Variants in DAB1 observed in about 807,000 individuals in gnomAD.
DAB1 encodes the protein disabled homolog 1.
DAB1 carries 15 observed loss-of-function variants against 64.6 expected under a neutral mutation model. The observed-to-expected ratio is 0.23, with a 90% CI of 0.16 to 0.36. The LOEUF (loss-of-function observed/expected upper bound fraction) is 0.36. DAB1 is among the 10% of genes least tolerant of loss of function. DAB1 has a pLI of 1.00. For synonymous variants in DAB1, 235 were observed against 251.9 expected (o/e 0.93, Z 0.64); for missense variants, 596 against 706.7 (o/e 0.84, Z 1.78).
At chr1:58,262,231 A>G (rs1661062844) in intron 4 of DAB1, among the ~76,000 whole-genome samples, 1 of 152,196 alleles carries the variant, frequency 6.6e-6, no homozygotes, top group Admixed American at 6.5e-5. Context: ...GTGGCCAGAG[A>G]TGTCAGAGGA....
chr1:57,960,630 G>C (rs1365731525), intron 5 of DAB1, among the ~76,000 whole-genome samples: 1 of 152,174 alleles, frequency 6.6e-6, no homozygotes, highest in Admixed American at 6.5e-5. Context: ...TGGTGACTTA[G>C]GAAATGGAAA....
intron 1 of DAB1, among the ~76,000 whole-genome samples, chr1:57,419,276 T>C (rs1359090889): frequency 2.6e-5 from 4 of 152,224 alleles, no homozygotes; most frequent in African/African-American, 4.8e-5. Flanking sequence ...CGATGGCGCC[T>C]CTGGGCTGTA....
chr1:58,474,102 T>G (rs1178784853), intron 3 of DAB1: 20 of 419,736 alleles, frequency 4.8e-5, no homozygotes, highest in Non-Finnish European at 3.2e-5. Flanking sequence ...AGCATTCCTG[T>G]GGAGTGTGGA....
intron 9 of DAB1, among the ~76,000 whole-genome samples, chr1:57,041,491 G>T (rs893302423): frequency 2.0e-5 from 3 of 152,166 alleles, no homozygotes; most frequent in Admixed American, 2.0e-4. Context: ...CTGTTCCCGG[G>T]ACTGCAACCA....
chr1:58,408,640 G>A (rs1436935124), intron 3 of DAB1, among the ~76,000 whole-genome samples: 5 of 152,114 alleles, frequency 3.3e-5, no homozygotes, highest in African/African-American at 1.2e-4. Context: ...TTGAGAAGTG[G>A]AGACAGGAAA....
At chr1:58,274,549 T>G (rs374996235) in intron 4 of DAB1, among the ~76,000 whole-genome samples, 11 of 141,900 alleles carry the variant, frequency 7.8e-5, no homozygotes, top group South Asian at 2.7e-4. Flanking sequence ...TCGAGCTTCC[T>G]GGCTGCTTTG....
intron 2 of DAB1, among the ~76,000 whole-genome samples, chr1:57,270,485 G>T (rs1025679586): frequency 1.3e-5 from 2 of 152,298 alleles, no homozygotes; most frequent in South Asian, 4.1e-4. Flanking sequence ...AGAGGCATTG[G>T]TCTTTCTTCC....
rs900078940 is a variant in DAB1, at chr1:57,467,657, G to T, written n.626-176491C>A. The stretch of plus-strand genomic sequence containing the variant: ...CTGAATCAACTCAACTAGATCATTT[G>T]CTGTACATCCAGCACAGTGCTAGAT... On this transcript the variant is annotated intron_variant and non_coding_transcript_variant, in intron 7 of 20. Transcript: ENST00000485760. 2.6e-5 allele frequency among the ~76,000 whole-genome samples: 4 copies of T among 152,048 alleles called. No homozygotes were observed. The East Asian group carries it at 5.8e-4, about 22-fold the overall frequency.
At chr1:57,339,778 A>G (rs937353886) in intron 1 of DAB1, among the ~76,000 whole-genome samples, 12 of 152,234 alleles carry the variant, frequency 7.9e-5, no homozygotes, top group Non-Finnish European at 1.6e-4. Flanking sequence ...AAATTAATAT[A>G]TGGTCCCATG....
chr1:57,359,190 A>G lies in DAB1; in HGVS notation c.-137+64740T>C, dbSNP rs190570656. Among the ~76,000 whole-genome samples, 691 of 152,168 alleles carry G rather than the reference A, an allele frequency of 4.5e-3. 6 individuals carry two copies. Among genetic ancestry groups the G allele is most frequent in the African/African-American group, 0.016 (661 of 41,550 alleles). Reference sequence around the variant, plus strand: ...ATGAGAGAACATATTTACAAACTATATATCTGATAAGAGGTTAATATCCAA... The same window carrying G: ...ATGAGAGAACATATTTACAAACTATGTATCTGATAAGAGGTTAATATCCAA... On this transcript the variant is annotated intron_variant, in intron 1 of 14. Coordinates refer to ENST00000371236, the MANE Select transcript of DAB1 (RefSeq NM_001365792.1).
At chr1:58,136,847 G>A (rs1368222365) in intron 5 of DAB1, among the ~76,000 whole-genome samples, 1 of 152,224 alleles carries the variant, frequency 6.6e-6, no homozygotes, top group Admixed American at 6.5e-5. Context: ...GTAACTTGCT[G>A]AATATCACAA....
At chr1:57,841,069 A>G (rs571730172) in intron 1 of DAB1, among the ~76,000 whole-genome samples, 7 of 152,226 alleles carry the variant, frequency 4.6e-5, no homozygotes, top group Non-Finnish European at 1.0e-4. Flanking sequence ...CAATGGGGGT[A>G]CAGGAATTGG....
intron 6 of DAB1, among the ~76,000 whole-genome samples, chr1:57,812,380 A>G (rs10889074): frequency 0.95 from 142,800 of 150,464 alleles, 67,838 homozygotes; most frequent in East Asian, 1. Context: ...AGGCAAGGGA[A>G]ACTCAGAGAC....
chr1:57,337,034 A>G (rs1341645170), intron 1 of DAB1, among the ~76,000 whole-genome samples: 4 of 152,052 alleles, frequency 2.6e-5, no homozygotes, highest in Admixed American at 6.5e-5. Flanking sequence ...TGATTCTTCA[A>G]CTGTTCAGTG....
chr1:57,612,567 A>G (rs1194742847), intron 7 of DAB1, among the ~76,000 whole-genome samples: 1 of 152,124 alleles, frequency 6.6e-6, no homozygotes, highest in Non-Finnish European at 1.5e-5. Flanking sequence ...GCCACGGGTC[A>G]AGGAATACAG....
In DAB1 at chr1:57,669,231, G is replaced by A. The variant is rs570303458; in HGVS notation, n.552-19566C>T. ...AAGAAAGATGAGACAGGAAGAGAGA[G>A]TTTTTTTACTGACGGAATCCAATAC... On this transcript the variant is annotated intron_variant and non_coding_transcript_variant, in intron 6 of 20. Coordinates refer to the DAB1 transcript ENST00000485760. Among the ~76,000 whole-genome samples the A allele has an allele frequency of 2.0e-5, 3 of 152,158 alleles. No homozygotes were observed. The East Asian group carries it at 5.8e-4, about 29-fold the overall frequency.
At chr1:57,103,237 G>A (rs1258204981) in intron 4 of DAB1, among the ~76,000 whole-genome samples, 1 of 152,090 alleles carries the variant, frequency 6.6e-6, no homozygotes, top group African/African-American at 2.4e-5. Flanking sequence ...AAGGGACAAT[G>A]TTACTCTGGT....
At position 58,268,212 on chromosome 1, in the gene DAB1, A is replaced by G. The variant is rs146797466; in HGVS notation, n.309+75140T>C. Among the ~76,000 whole-genome samples the G allele has an allele frequency of 6.5e-3, 990 of 152,298 alleles. 10 individuals carry two copies. Among genetic ancestry groups the G allele is most frequent in the African/African-American group, 0.022 (930 of 41,548 alleles). ...TTCTTTTATAGCCATATTTTAAATC[A>G]TAAGGGATTTAAAGCAGCTTATAAA... On this transcript the variant is annotated intron_variant and non_coding_transcript_variant, in intron 4 of 20. Coordinates refer to the DAB1 transcript ENST00000485760.
intron 1 of DAB1, among the ~76,000 whole-genome samples, chr1:57,836,729 T>A (rs1364343868): frequency 6.6e-6 from 1 of 152,216 alleles, no homozygotes; most frequent in African/African-American, 2.4e-5. Flanking sequence ...TTGCCACACA[T>A]AATAGCTAAC....
Sources: gnomAD v4.1 joint callset for allele counts (sites outside exome capture counted in the v4.1 genomes callset) on GRCh38, gnomAD v4.1.1 for gene constraint, MANE v1.5 for transcripts, NCBI Gene and HGNC (gene_info 2026-07-23, HGNC 2026-07-21) for gene names.